NRCAM: variants seen among roughly 807,000 people sequenced by gnomAD.
NRCAM encodes NgCAM-related cell adhesion molecule.
NRCAM carries 83 observed loss-of-function variants against 156.5 expected under a neutral mutation model. The ratio of observed to expected loss-of-function variants is 0.53; its 90% CI spans 0.44 to 0.64. The LOEUF (loss-of-function observed/expected upper bound fraction) is 0.64, where lower values mean the gene tolerates loss of function less well. Ranked by LOEUF, NRCAM falls within the 30% of genes least tolerant of loss-of-function variation. The probability of loss-of-function intolerance (pLI) is 0.00; values close to 1 mark genes in which losing one functional copy is unlikely to be tolerated. For missense variants in NRCAM, 1,417 were observed against 1,597.3 expected (o/e 0.89, Z 1.92); for synonymous variants, 538 against 563.9 (o/e 0.95, Z 0.65).
At chr7:108,244,444 A>G (rs1436086873) in intron 3 of NRCAM, among the ~76,000 whole-genome samples, 1 of 152,174 alleles carries the variant, frequency 6.6e-6, no homozygotes, top group East Asian at 1.9e-4. Flanking sequence ...TATATTTTAA[A>G]TATTTATCTT....
chr7:108,365,441 G>T (rs1195778353), intron 2 of NRCAM, among the ~76,000 whole-genome samples: 1 of 152,034 alleles, frequency 6.6e-6, no homozygotes, highest in Non-Finnish European at 1.5e-5. Flanking sequence ...TCATTAAAAT[G>T]TGATGTTTCA....
chr7:108,315,188 A>T (rs1172899130), intron 2 of NRCAM, among the ~76,000 whole-genome samples: 1 of 152,212 alleles, frequency 6.6e-6, no homozygotes, highest in African/African-American at 2.4e-5. Context: ...AAATGACAGT[A>T]AATTATAAAT....
At chr7:108,411,810 C>T (rs1795735033) in intron 1 of NRCAM, among the ~76,000 whole-genome samples, 1 of 152,188 alleles carries the variant, frequency 6.6e-6, no homozygotes, top group Non-Finnish European at 1.5e-5. Context: ...GTATTACAGG[C>T]ATAAGCCACC....
intron 3 of NRCAM, among the ~76,000 whole-genome samples, chr7:108,290,346 T>C (rs2098248681): frequency 6.6e-6 from 1 of 152,152 alleles, no homozygotes; most frequent in South Asian, 2.1e-4. Context: ...TGCCGTATTT[T>C]CCCACTGCTG....
chr7:108,447,547 G>A (rs1845835893), intron 1 of NRCAM, among the ~76,000 whole-genome samples: 1 of 151,430 alleles, frequency 6.6e-6, no homozygotes, highest in Admixed American at 6.6e-5. Flanking sequence ...TGGAACTACA[G>A]GTGTGAGCCA....
At chr7:108,385,383 G>C (rs922535107) in intron 2 of NRCAM, among the ~76,000 whole-genome samples, 3 of 152,138 alleles carry the variant, frequency 2.0e-5, no homozygotes, top group Non-Finnish European at 4.4e-5. Context: ...TCACATGAGA[G>C]AATTTCAGAG....
At chr7:108,384,790 T>G (rs1196599877) in intron 2 of NRCAM, among the ~76,000 whole-genome samples, 1 of 152,216 alleles carries the variant, frequency 6.6e-6, no homozygotes, top group Non-Finnish European at 1.5e-5. Context: ...TTCAGTAACA[T>G]GTAAAGAAAT....
chr7:108,234,827 T>C, intron 5 of NRCAM, 139 bp from the exon 6 acceptor site: 1 of 773,248 alleles, frequency 1.3e-6, no homozygotes, highest in Admixed American at 1.7e-5. Context: ...TGTAGCAGCA[T>C]ATACTTCAGT....
At chr7:108,255,928 A>C (rs1269648) in intron 3 of NRCAM, among the ~76,000 whole-genome samples, 1 of 139,224 alleles carries the variant, frequency 7.2e-6, no homozygotes, top group Non-Finnish European at 1.6e-5. Flanking sequence ...GGCAGCCCCC[A>C]CCCAGCCAGC....
chr7:108,169,794 C>G (rs906953125), intron 28 of NRCAM, among the ~76,000 whole-genome samples: 1 of 152,002 alleles, frequency 6.6e-6, no homozygotes, highest in African/African-American at 2.4e-5. Flanking sequence ...AATGGCAACC[C>G]AGGAAAAACA....
intron 3 of NRCAM, among the ~76,000 whole-genome samples, chr7:108,276,770 CT>C (rs2097646553): frequency 6.6e-6 from 1 of 152,110 alleles, no homozygotes; most frequent in African/African-American, 2.4e-5. Context: ...GAATTTGATC[CT>C]GTCATTATGG....
intron 1 of NRCAM, among the ~76,000 whole-genome samples, chr7:108,435,404 A>C (rs1830828245): frequency 6.6e-6 from 1 of 152,206 alleles, no homozygotes; most frequent in Non-Finnish European, 1.5e-5. Flanking sequence ...GAGTCTCAGA[A>C]ACCCATGGGA....
At chr7:108,362,821 T>A (rs954384766) in intron 2 of NRCAM, among the ~76,000 whole-genome samples, 1 of 152,192 alleles carries the variant, frequency 6.6e-6, no homozygotes, top group African/African-American at 2.4e-5. Flanking sequence ...TGCATTTCCG[T>A]ATTTCCTACT....
Position 108,387,958 on chromosome 7 carries a change from T to C in NRCAM, c.-174+11478A>G, listed in dbSNP as rs185393877. Among the ~76,000 whole-genome samples, 14 of 152,354 alleles carry C rather than the reference T, an allele frequency of 9.2e-5. No homozygotes were observed. In the East Asian group the frequency reaches 1.7e-3, roughly 19 times the overall value. ...CACATTTTCTTAATCCAGTCGATCA[T>C]TGATGGACATTTGAGTTGGTTCCAA... On this transcript the variant is annotated intron_variant, in intron 2 of 32. Coordinates refer to ENST00000379028, the MANE Select transcript of NRCAM (RefSeq NM_001037132.4).
At position 108,255,560 on chromosome 7, in the gene NRCAM, G is replaced by A. The variant is rs1305338905; in HGVS notation, c.-106-15390C>T. On this transcript the variant is annotated intron_variant, in intron 3 of 32. Transcript: ENST00000379028. Reference sequence around the variant, plus strand: ...GCCTGCCTTGGCCTCCCAAAGTGCCGAGATTGCAGCCTCTGCCCGGCCGCC... The same window carrying A: ...GCCTGCCTTGGCCTCCCAAAGTGCCAAGATTGCAGCCTCTGCCCGGCCGCC... Among the ~76,000 whole-genome samples, 9 of 152,146 alleles carry A rather than the reference G, an allele frequency of 5.9e-5. No individual in the cohort carries two copies. The East Asian group carries it at 1.5e-3, about 26-fold the overall frequency.
intron 1 of NRCAM, among the ~76,000 whole-genome samples, chr7:108,406,282 G>T (rs776504514): frequency 6.6e-6 from 1 of 152,172 alleles, no homozygotes. Flanking sequence ...GTGATTTTAG[G>T]CCAGAGGAGA....
intron 2 of NRCAM, among the ~76,000 whole-genome samples, chr7:108,396,793 G>A (rs1440105642): frequency 3.9e-5 from 6 of 152,160 alleles, no homozygotes; most frequent in Non-Finnish European, 7.4e-5. Flanking sequence ...TGGTTTTAAA[G>A]TCACTGATGT....
intron 26 of NRCAM, 41 bp downstream of exon 26, chr7:108,177,949 A>G (rs1473893043): frequency 6.5e-7 from 1 of 1,549,988 alleles, no homozygotes; most frequent in African/African-American, 1.4e-5. Flanking sequence ...TAAATAAAAT[A>G]AAAAAACATA....
chr7:108,363,589 C>T (rs1595167046), intron 2 of NRCAM, among the ~76,000 whole-genome samples: 2 of 152,156 alleles, frequency 1.3e-5, no homozygotes, highest in African/African-American at 4.8e-5. Context: ...ATAGTGACTT[C>T]CTTCCAAAGA....
Sources: allele counts gnomAD v4.1 joint callset (sites outside exome capture counted in the v4.1 genomes callset), GRCh38; gene constraint gnomAD v4.1.1; transcripts MANE v1.5; gene names NCBI Gene and HGNC (gene_info 2026-07-23, HGNC 2026-07-21).